The following KCNMB3 variants were observed in gnomAD, a reference collection of about 807,000 sequenced individuals.
The protein encoded by KCNMB3 is calcium-activated potassium channel subunit beta-3.
A neutral mutation model predicts 11.9 loss-of-function variants in KCNMB3; 18 were observed. The ratio of observed to expected loss-of-function variants is 1.51; its 90% CI spans 1.04 to 2.23. KCNMB3 has a LOEUF of 2.23. KCNMB3 is among the 30% of genes most tolerant of loss of function. The pLI, the probability that KCNMB3 is intolerant of heterozygous loss-of-function variation, is 0.00. For synonymous variants in KCNMB3, 78 were observed against 119.2 expected, an observed-to-expected ratio of 0.65 and a Z score of 2.25; for missense variants, 247 against 329.4, an observed-to-expected ratio of 0.75 and a Z score of 1.94.
upstream of KCNMB3, among the ~76,000 whole-genome samples, chr3:179,254,461 G>A (rs1445752286): frequency 6.6e-6 from 1 of 152,130 alleles, no homozygotes; most frequent in Non-Finnish European, 1.5e-5. Flanking sequence ...TCTGCAACCT[G>A]GCAAATTTAA....
At chr3:179,243,678 T>C (rs1032854686) in intron 2 of KCNMB3, among the ~76,000 whole-genome samples, 1 of 152,218 alleles carries the variant, frequency 6.6e-6, no homozygotes, top group Non-Finnish European at 1.5e-5. Flanking sequence ...GTTGTCTCTG[T>C]CTTGATCTCC....
Position 179,250,950 on chromosome 3 carries a change from G to A in KCNMB3, c.41C>T (p.Ser14Phe), listed in dbSNP as rs1725822503. 3 of 1,614,066 alleles carry A rather than the reference G, an allele frequency of 1.9e-6. No homozygotes were observed. The highest frequency in any genetic ancestry group is 1.1e-5 in the South Asian group (1 of 91,074). Residue 14 changes from serine (S) to phenylalanine (F), a missense_variant, in exon 1 of 3, where the codon TCT becomes TTT. Ser to Phe is a radical substitution (Grantham distance 155). This residue lies in a region of KCNMB3 where 160 missense variants were observed against 157.5 expected (regional missense o/e 1.02). Coordinates refer to ENST00000392685, the MANE Select transcript of KCNMB3 (RefSeq NM_171830.2). ...LLYELTAVSP[S>F]PFPQRTAFPA... ...AAAGGCTGTCCTTTGGGGAAAGGGA[G>A]AAGGAGATACTGCAGTGAGCTCATA... is the stretch of plus-strand genomic sequence containing the variant.
At chr3:179,265,096 A>C (rs1429387680) in intron 1 of KCNMB3, among the ~76,000 whole-genome samples, 2 of 152,182 alleles carry the variant, frequency 1.3e-5, no homozygotes, top group African/African-American at 4.8e-5. Flanking sequence ...GGACACTAAA[A>C]CTTGTTTGCT....
At chr3:179,258,910 T>C in intron 1 of KCNMB3, 4 of 1,609,760 alleles carry the variant, frequency 2.5e-6, no homozygotes, top group East Asian at 4.5e-5. Context: ...GTGATTGGCA[T>C]ACAGTGCATC....
chr3:179,252,023 T>TTCA (rs569640953), upstream of KCNMB3, among the ~76,000 whole-genome samples: 6 of 152,102 alleles, frequency 3.9e-5, no homozygotes, highest in Non-Finnish European at 7.4e-5. Context: ...CCCGGCCTGG[T>TTCA]TTATTATTAT....
upstream of KCNMB3, chr3:179,251,722 T>C (rs1426287530): frequency 6.5e-6 from 7 of 1,084,448 alleles, no homozygotes; most frequent in African/African-American, 1.6e-5. Flanking sequence ...TCGTTTTTTG[T>C]TTTTGTGTTT....
chr3:179,265,562 T>C (rs1045869126), intron 1 of KCNMB3, among the ~76,000 whole-genome samples: 1 of 152,168 alleles, frequency 6.6e-6, no homozygotes, highest in Admixed American at 6.5e-5. Flanking sequence ...GTTCAAGCAA[T>C]TCTCCAGCCT....
At chr3:179,256,635 T>C (rs1191921686) in intron 1 of KCNMB3, among the ~76,000 whole-genome samples, 1 of 151,904 alleles carries the variant, frequency 6.6e-6, no homozygotes, top group African/African-American at 2.4e-5. Flanking sequence ...GCATGCTAAA[T>C]AGAAATATCA....
intron 1 of KCNMB3, chr3:179,260,163 G>T: frequency 6.2e-7 from 1 of 1,610,848 alleles, no homozygotes; most frequent in Non-Finnish European, 8.5e-7. Context: ...CTGAGTCACC[G>T]CTGCCTCTCC....
At chr3:179,261,605 T>C (rs181833637) in intron 1 of KCNMB3, among the ~76,000 whole-genome samples, 1 of 145,094 alleles carries the variant, frequency 6.9e-6, no homozygotes, top group Non-Finnish European at 1.5e-5. Flanking sequence ...TTTACATTAC[T>C]ATGGTGTGAA....
downstream of KCNMB3, chr3:179,241,917 A>G (rs1478904495): frequency 4.5e-5 from 7 of 154,212 alleles, no homozygotes; most frequent in Non-Finnish European, 7.3e-5. Flanking sequence ...GCTTCTTCAT[A>G]TTTCTGGCCC....
chr3:179,257,534 T>C (rs919517066), intron 1 of KCNMB3, among the ~76,000 whole-genome samples: 8 of 152,196 alleles, frequency 5.3e-5, no homozygotes, highest in East Asian at 1.9e-4. Flanking sequence ...CCAATAAGAA[T>C]ATACTGGGAC....
intron 1 of KCNMB3, chr3:179,260,156 A>G: frequency 1.9e-6 from 3 of 1,610,282 alleles, no homozygotes; most frequent in Middle Eastern, 1.7e-4. Context: ...CTCCAACCTG[A>G]GTCACCGCTG....
At chr3:179,263,861 A>G (rs1177846305) in intron 1 of KCNMB3, among the ~76,000 whole-genome samples, 1 of 121,436 alleles carries the variant, frequency 8.2e-6, no homozygotes, top group Non-Finnish European at 1.6e-5. Context: ...GCTGCAGTGC[A>G]GTGGCATGAT....
At chr3:179,248,275 G>T (rs1725712080) in intron 1 of KCNMB3, among the ~76,000 whole-genome samples, 1 of 152,136 alleles carries the variant, frequency 6.6e-6, no homozygotes, top group Non-Finnish European at 1.5e-5. Context: ...GCTGCTGTAG[G>T]TTTAAGTAGG....
chr3:179,261,286 G>C, intron 1 of KCNMB3: 1 of 1,274,680 alleles, frequency 7.8e-7, no homozygotes, highest in Non-Finnish European at 1.0e-6. Flanking sequence ...TGCTGGGCTC[G>C]GCCCGCTCCA....
chr3:179,260,436 T>A (rs1292283966), intron 1 of KCNMB3: 13 of 1,613,678 alleles, frequency 8.1e-6, no homozygotes, highest in Admixed American at 1.7e-5. Flanking sequence ...TACCTCTATG[T>A]CCACACAATC....
chr3:179,254,736 A>G (rs765940414), upstream of KCNMB3, among the ~76,000 whole-genome samples: 2 of 152,192 alleles, frequency 1.3e-5, no homozygotes, highest in Non-Finnish European at 2.9e-5. Flanking sequence ...AAGGAGTCGG[A>G]GGTTGCAGTG....
upstream of KCNMB3, among the ~76,000 whole-genome samples, chr3:179,254,805 A>C (rs1434544539): frequency 1.3e-5 from 2 of 152,108 alleles, no homozygotes; most frequent in African/African-American, 4.8e-5. Flanking sequence ...GTCTCAAATA[A>C]AATAAAATAA....
Sources: gnomAD v4.1 joint callset for allele counts (sites outside exome capture counted in the v4.1 genomes callset) on GRCh38, gnomAD v4.1.1 for gene constraint, gnomAD v4.1.1 regional missense constraint, MANE v1.5 for transcripts, NCBI Gene and HGNC (gene_info 2026-07-23, HGNC 2026-07-21) for gene names.